LIMS1: variants seen among roughly 807,000 people sequenced by gnomAD.
LIMS1 encodes the protein LIM and senescent cell antigen-like-containing domain protein 1.
In LIMS1, 18 loss-of-function variants were observed where a neutral mutation model predicts 44.1. That is an observed-to-expected ratio of 0.41 (90% CI 0.28 to 0.61). The LOEUF is 0.61. Ranked by LOEUF, LIMS1 falls within the 20% of genes least tolerant of loss-of-function variation. The probability of loss-of-function intolerance (pLI) is 0.32; values close to 1 mark genes in which losing one functional copy is unlikely to be tolerated. For missense variants in LIMS1, 201 were observed against 422.0 expected, an observed-to-expected ratio of 0.48 and a Z score of 4.59; for synonymous variants, 93 against 149.1, an observed-to-expected ratio of 0.62 and a Z score of 2.74.
chr2:108,569,199 G>A (rs1019038304), intron 1 of LIMS1, among the ~76,000 whole-genome samples: 2 of 152,102 alleles, frequency 1.3e-5, no homozygotes, highest in African/African-American at 4.8e-5. Context: ...CCGTGTTGTT[G>A]TTCTTCAGGT....
intron 1 of LIMS1, among the ~76,000 whole-genome samples, chr2:108,579,104 T>G (rs568993952): frequency 6.6e-6 from 1 of 152,350 alleles, no homozygotes; most frequent in South Asian, 2.1e-4. Context: ...CAATTTTTTT[T>G]GACTGGTTTA....
At chr2:108,652,805 C>T (rs541619321) in intron 1 of LIMS1, among the ~76,000 whole-genome samples, 17 of 152,264 alleles carry the variant, frequency 1.1e-4, no homozygotes, top group African/African-American at 2.9e-4. Flanking sequence ...CCACCCCCAC[C>T]GGATGCATTA....
chr2:108,572,289 A>G (rs1197227768), intron 1 of LIMS1, among the ~76,000 whole-genome samples: 2 of 151,892 alleles, frequency 1.3e-5, no homozygotes, highest in Non-Finnish European at 2.9e-5. Flanking sequence ...ATTTTACAAT[A>G]TAAGTTCTGA....
chr2:108,631,462 G>A (rs1688915659), intron 1 of LIMS1, among the ~76,000 whole-genome samples: 1 of 151,720 alleles, frequency 6.6e-6, no homozygotes, highest in South Asian at 2.1e-4. Flanking sequence ...ACTCAAGGAG[G>A]ATTTATTGTG....
At chr2:108,590,669 T>G (rs1469018330) in intron 1 of LIMS1, among the ~76,000 whole-genome samples, 1 of 152,050 alleles carries the variant, frequency 6.6e-6, no homozygotes, top group Non-Finnish European at 1.5e-5. Context: ...TGGAAAAGAG[T>G]GTTGTTCTAG....
chr2:108,596,103 A>G (rs1447188582), intron 1 of LIMS1, among the ~76,000 whole-genome samples: 1 of 152,274 alleles, frequency 6.6e-6, no homozygotes, highest in Non-Finnish European at 1.5e-5. Context: ...CCGCAGACAT[A>G]GAAAGACCTG....
chr2:108,579,965 C>G (rs1008607503), intron 1 of LIMS1, among the ~76,000 whole-genome samples: 4 of 152,220 alleles, frequency 2.6e-5, no homozygotes, highest in African/African-American at 9.6e-5. Flanking sequence ...GGGCTGCAGC[C>G]TGTGCAGTGA....
chr2:108,623,269 A>T (rs1688360951), intron 1 of LIMS1, among the ~76,000 whole-genome samples: 1 of 151,976 alleles, frequency 6.6e-6, no homozygotes, highest in South Asian at 2.1e-4. Flanking sequence ...AGTTATACTA[A>T]GCCTATTTTC....
At chr2:108,564,869 C>A (rs1055034055) in intron 1 of LIMS1, among the ~76,000 whole-genome samples, 2 of 151,798 alleles carry the variant, frequency 1.3e-5, no homozygotes, top group African/African-American at 4.8e-5. Flanking sequence ...CCTAAGGGAA[C>A]TTGTCTATTA....
chr2:108,549,766 A>T (rs1684621347), intron 1 of LIMS1, among the ~76,000 whole-genome samples: 1 of 152,228 alleles, frequency 6.6e-6, no homozygotes, highest in African/African-American at 2.4e-5. Flanking sequence ...TGAGAGGAAT[A>T]AACAGGCAAG....
At chr2:108,631,083 T>G (rs947471079) in intron 1 of LIMS1, among the ~76,000 whole-genome samples, 1 of 152,236 alleles carries the variant, frequency 6.6e-6, no homozygotes, top group Non-Finnish European at 1.5e-5. Flanking sequence ...TGTGGGACAC[T>G]TAATGAGTCA....
intron 1 of LIMS1, among the ~76,000 whole-genome samples, chr2:108,633,229 G>A (rs1689030862): frequency 6.6e-6 from 1 of 152,120 alleles, no homozygotes; most frequent in Non-Finnish European, 1.5e-5. Context: ...ATTATTTTTT[G>A]TGTTTCAGAG....
In LIMS1 at chr2:108,656,664, ATATAT is replaced by A. The variant is rs368969910; in HGVS notation, c.33-2933_33-2929del. Among the ~76,000 whole-genome samples, 266 of 147,316 alleles carry A rather than the reference ATATAT, an allele frequency of 1.8e-3. No homozygotes were observed. The South Asian group carries it at 0.056, about 31-fold the overall frequency. ...TGAAAAGGAATACTTCTTGCAAAAT[ATATAT>A]TATATTACCTCTAAAACTAGCGGAT... On this transcript the variant is annotated intron_variant, in intron 1 of 9. Transcript: ENST00000544547.
intron 1 of LIMS1, among the ~76,000 whole-genome samples, chr2:108,589,569 ATTT>A (rs1686276396): frequency 6.6e-6 from 1 of 151,702 alleles, no homozygotes; most frequent in African/African-American, 2.4e-5. Flanking sequence ...CTAGTTTGTT[ATTT>A]TTCTAGTTCC....
intron 8 of LIMS1, among the ~76,000 whole-genome samples, chr2:108,680,436 C>T (rs1692893735): frequency 1.4e-5 from 2 of 147,064 alleles, no homozygotes; most frequent in African/African-American, 5.1e-5. Flanking sequence ...ACTCAGGAGG[C>T]TGAGGTGGGA....
At chr2:108,585,513 A>G (rs2104666621) in intron 1 of LIMS1, among the ~76,000 whole-genome samples, 1 of 152,308 alleles carries the variant, frequency 6.6e-6, no homozygotes, top group South Asian at 2.1e-4. Flanking sequence ...AATTTGATGT[A>G]TGATTGCGAA....
intron 1 of LIMS1, among the ~76,000 whole-genome samples, chr2:108,548,033 T>C (rs1573303919): frequency 1.3e-5 from 2 of 152,200 alleles, no homozygotes; most frequent in South Asian, 4.1e-4. Context: ...TAAAAATGGG[T>C]TCAAGAAAGT....
At chr2:108,555,005 C>A (rs9631040) in intron 1 of LIMS1, among the ~76,000 whole-genome samples, 57,645 of 152,006 alleles carry the variant, frequency 0.38, 12,611 homozygotes, top group East Asian at 0.89. Flanking sequence ...ACAGTGCTGG[C>A]TGCCTATCAG....
chr2:108,539,539 C>G (rs183443059), intron 1 of LIMS1, among the ~76,000 whole-genome samples: 16 of 152,218 alleles, frequency 1.1e-4, no homozygotes, highest in African/African-American at 3.4e-4. Flanking sequence ...AATAATCCCA[C>G]CTGTCTCAGA....
Sources: gnomAD v4.1 joint callset for allele counts (sites outside exome capture counted in the v4.1 genomes callset) on GRCh38, gnomAD v4.1.1 for gene constraint, MANE v1.5 for transcripts, NCBI Gene and HGNC (gene_info 2026-07-23, HGNC 2026-07-21) for gene names.